AKAP6: variants seen among roughly 807,000 people sequenced by gnomAD.
AKAP6 encodes A-kinase anchoring protein 6.
A neutral mutation model predicts 188.5 loss-of-function variants in AKAP6; 58 were observed. That is an observed-to-expected ratio of 0.31 (90% confidence interval 0.25 to 0.38). The LOEUF (loss-of-function observed/expected upper bound fraction) is 0.38, where lower values mean the gene tolerates loss of function less well. AKAP6 is among the 10% of genes least tolerant of loss of function. AKAP6 has a pLI of 1.00. For missense variants in AKAP6, 2,710 were observed against 2,740.0 expected (o/e 0.99, Z 0.24); for synonymous variants, 989 against 998.6 (o/e 0.99, Z 0.18).
At position 32,479,980 on chromosome 14, in the gene AKAP6, G is replaced by A. The variant is rs533546867; in HGVS notation, c.324+46163G>A. Among the ~76,000 whole-genome samples the A allele has an allele frequency of 1.7e-3, 265 of 152,272 alleles. 2 individuals carry two copies. The highest frequency in any genetic ancestry group is 6.2e-3 in the African/African-American group (256 of 41,556). ...TACAAATCTTTACCTTCCTCATACT[G>A]GTGTGTGATGGTGTAGGCCCTGTGG... On this transcript the variant is annotated intron_variant, in intron 2 of 13. Coordinates refer to ENST00000280979, the MANE Select transcript of AKAP6 (RefSeq NM_004274.5).
chr14:32,638,959 T>C (rs1372249347), intron 7 of AKAP6, among the ~76,000 whole-genome samples: 1 of 152,086 alleles, frequency 6.6e-6, no homozygotes, highest in African/African-American at 2.4e-5. Context: ...CTTTATGAAT[T>C]AGTGTGTTTT....
intron 2 of AKAP6, among the ~76,000 whole-genome samples, chr14:32,517,866 T>G (rs1212978510): frequency 1.3e-5 from 2 of 152,088 alleles, no homozygotes; most frequent in South Asian, 2.1e-4. Context: ...TAGCACGGAG[T>G]TTGAGATCTG....
At chr14:32,790,766 C>T (rs2033584345) in intron 12 of AKAP6, among the ~76,000 whole-genome samples, 1 of 152,080 alleles carries the variant, frequency 6.6e-6, no homozygotes, top group Non-Finnish European at 1.5e-5. Context: ...TCTCTATCCC[C>T]TTGCCCCCCA....
In AKAP6 at chr14:32,806,101, T is replaced by G. The variant is rs190050855; in HGVS notation, c.3589-15301T>G. Among the ~76,000 whole-genome samples the G allele has an allele frequency of 9.1e-3, 1,389 of 152,280 alleles. 32 individuals carry two copies. The highest frequency in any genetic ancestry group is 0.032 in the African/African-American group (1,316 of 41,568). ...TCCATGGATTGAAAGGAACTGAACCTGGGGGCAGATAATCAAGAAGTACCA... is the reference window on the plus strand; with the variant it reads ...TCCATGGATTGAAAGGAACTGAACCGGGGGGCAGATAATCAAGAAGTACCA... On this transcript the variant is annotated intron_variant, in intron 12 of 13. Transcript: ENST00000280979.
Position 32,545,875 on chromosome 14 carries a change from A to G in AKAP6, c.1222A>G (p.Asn408Asp), listed in dbSNP as rs923680463. ...AACTTTTAAGAATGATCTGAAAGGC[A>G]ATGGTGGAAAGAGGCAAATGGTTGA... ...EETFKNDLKG[N>D]GGKRQMVDLK... The change falls in exon 4 of 14, where the codon AAT becomes GAT. Residue 408 changes from asparagine to aspartate, a missense_variant. Coordinates refer to ENST00000280979, the MANE Select transcript of AKAP6 (RefSeq NM_004274.5). 6.2e-7 allele frequency: 1 copy of G among 1,614,220 alleles called. No homozygotes were observed. The highest frequency in any genetic ancestry group is 8.5e-7 in the Non-Finnish European group (1 of 1,180,030).
At chr14:32,368,820 A>ATAAGAC (rs1479360098) in intron 1 of AKAP6, among the ~76,000 whole-genome samples, 5 of 151,996 alleles carry the variant, frequency 3.3e-5, no homozygotes, top group Non-Finnish European at 7.4e-5. Flanking sequence ...TAAGACCAAA[A>ATAAGAC]TAAGACTAAA....
chr14:32,412,415 A>T (rs1244592107), intron 1 of AKAP6, among the ~76,000 whole-genome samples: 1 of 152,202 alleles, frequency 6.6e-6, no homozygotes, highest in Non-Finnish European at 1.5e-5. Flanking sequence ...TTTGGAAATA[A>T]ATTACATGAC....
chr14:32,780,159 T>C (rs1421670298), intron 12 of AKAP6, among the ~76,000 whole-genome samples: 5 of 142,196 alleles, frequency 3.5e-5, no homozygotes, highest in Non-Finnish European at 4.6e-5. Flanking sequence ...AAAAAAAACA[T>C]ATATATATAT....
chr14:32,745,795 C>G (rs1341890117), intron 11 of AKAP6, among the ~76,000 whole-genome samples: 2 of 152,188 alleles, frequency 1.3e-5, no homozygotes. Context: ...CCAAGAGGTG[C>G]CTTCCAGGAG....
intron 12 of AKAP6, among the ~76,000 whole-genome samples, chr14:32,794,130 A>C (rs2033692956): frequency 6.6e-6 from 1 of 152,210 alleles, no homozygotes; most frequent in South Asian, 2.1e-4. Flanking sequence ...AATGCAAAAA[A>C]CTGAAATCAT....
intron 1 of AKAP6, among the ~76,000 whole-genome samples, chr14:32,406,796 C>T (rs999848013): frequency 6.6e-6 from 1 of 152,056 alleles, no homozygotes; most frequent in Non-Finnish European, 1.5e-5. Context: ...GAGAACTTTC[C>T]AAGTCATTCC....
intron 9 of AKAP6, among the ~76,000 whole-genome samples, chr14:32,710,701 G>A (rs536860408): frequency 2.8e-4 from 43 of 152,186 alleles, no homozygotes; most frequent in Non-Finnish European, 3.8e-4. Flanking sequence ...TTAGGCTTCC[G>A]TTGTTAAACG....
intron 11 of AKAP6, among the ~76,000 whole-genome samples, chr14:32,737,834 C>A (rs147289718): frequency 6.6e-6 from 1 of 152,110 alleles, no homozygotes; most frequent in Non-Finnish European, 1.5e-5. Context: ...AAAAGGAAAA[C>A]CCATAGCTTT....
At chr14:32,529,565 C>T (rs1010655293) in intron 2 of AKAP6, among the ~76,000 whole-genome samples, 2 of 152,170 alleles carry the variant, frequency 1.3e-5, no homozygotes, top group African/African-American at 4.8e-5. Context: ...TGCGGGAAAA[C>T]TTCTAGTTTC....
At chr14:32,801,026 T>C (rs1376472389) in intron 12 of AKAP6, among the ~76,000 whole-genome samples, 1 of 152,004 alleles carries the variant, frequency 6.6e-6, no homozygotes, top group Non-Finnish European at 1.5e-5. Context: ...CAAAAATAAA[T>C]AAATAAATAA....
At chr14:32,767,407 T>C (rs925601919) in intron 11 of AKAP6, among the ~76,000 whole-genome samples, 5 of 152,170 alleles carry the variant, frequency 3.3e-5, no homozygotes, top group Non-Finnish European at 7.4e-5. Flanking sequence ...GTATATTTCA[T>C]GTTTTGTTTC....
At chr14:32,664,450 A>G (rs778308624) in intron 7 of AKAP6, among the ~76,000 whole-genome samples, 1 of 148,588 alleles carries the variant, frequency 6.7e-6, no homozygotes, top group Non-Finnish European at 1.5e-5. Context: ...AAAACTGAAG[A>G]ATATTGGTTA....
chr14:32,490,903 T>G (rs1232049812), intron 2 of AKAP6, among the ~76,000 whole-genome samples: 1 of 152,200 alleles, frequency 6.6e-6, no homozygotes, highest in Non-Finnish European at 1.5e-5. Flanking sequence ...ATAATATAAA[T>G]TGGCAATTTA....
intron 12 of AKAP6, among the ~76,000 whole-genome samples, chr14:32,786,886 T>C (rs2033438608): frequency 6.6e-6 from 1 of 152,218 alleles, no homozygotes; most frequent in Non-Finnish European, 1.5e-5. Flanking sequence ...TTATTCTTTG[T>C]ACAAATATAT....
Sources: allele counts gnomAD v4.1 joint callset (sites outside exome capture counted in the v4.1 genomes callset), GRCh38; gene constraint gnomAD v4.1.1; transcripts MANE v1.5; gene names NCBI Gene and HGNC (gene_info 2026-07-23, HGNC 2026-07-21).